The following TTN variants were observed in gnomAD, a reference collection of about 807,000 sequenced individuals.
The protein encoded by TTN is connectin.
Under a neutral mutation model 3,223.0 loss-of-function variants are expected in TTN, and 1,525 were observed. That is an observed-to-expected ratio of 0.47 (90% CI 0.45 to 0.49). The LOEUF is 0.49. TTN is among the 20% of genes least tolerant of loss of function. The probability of loss-of-function intolerance (pLI) is 0.00; values close to 1 mark genes in which losing one functional copy is unlikely to be tolerated. For synonymous variants in TTN, 14,094 were observed against 15,161.0 expected, an observed-to-expected ratio of 0.93 and a Z score of 5.17; for missense variants, 40,786 against 43,424.0, an observed-to-expected ratio of 0.94 and a Z score of 5.40.
At chr2:178,762,581 T>C (rs1172252202) in intron 43 of TTN, among the ~76,000 whole-genome samples, 1 of 152,232 alleles carries the variant, frequency 6.6e-6, no homozygotes, top group African/African-American at 2.4e-5. Context: ...TATATGTTTA[T>C]ATTAAAAAAT....
rs1343788854 is a variant in TTN at position 178,556,989 on chromosome 2, T to C, written c.88165A>G (p.Asn29389Asp). The change falls in exon 330 of 363, where the codon AAT becomes GAT. Residue 29389 changes from asparagine to aspartate, a missense_variant. Asn to Asp is a conservative substitution (Grantham distance 23). Coordinates refer to ENST00000589042, the MANE Select transcript of TTN (RefSeq NM_001267550.2). ...DGRWTKASFT[N>D]VTETQFIISG... ...ATGATGAATTGAGTTTCAGTAACAT[T>C]GGTGAAGCTGGCCTTGGTCCATCTG... 6.2e-7 allele frequency: 1 copy of C among 1,613,692 alleles called. No homozygotes were observed. Among genetic ancestry groups the C allele is most frequent in the African/African-American group, 1.3e-5 (1 of 74,908 alleles).
intron 164 of TTN, 117 bp downstream of exon 164, chr2:178,665,591 C>G: frequency 7.8e-7 from 1 of 1,287,992 alleles, no homozygotes; most frequent in Non-Finnish European, 1.1e-6. Flanking sequence ...GGTATACAAT[C>G]TTGAGGAGAG....
At chr2:178,746,041 G>T in intron 47 of TTN, 1 of 1,613,356 alleles carries the variant, frequency 6.2e-7, no homozygotes, top group Non-Finnish European at 8.5e-7. Flanking sequence ...TCACAGCTCT[G>T]CACCTGTATG....
Position 178,583,156 on chromosome 2 carries a change from A to C in TTN, c.65647T>G (p.Leu21883Val), listed in dbSNP as rs754416903. 2 of 1,612,512 alleles carry C rather than the reference A, an allele frequency of 1.2e-6. No individual in the cohort carries two copies. The highest frequency in any genetic ancestry group is 1.3e-5 in the African/African-American group (1 of 74,988). The change falls in exon 313 of 363, where the codon TTG becomes GTG. Residue 21883 changes from leucine (L) to valine (V), a missense_variant. Physicochemically the swap from Leu to Val is conservative, Grantham distance 32. Transcript: ENST00000589042. ...GGTTTACCAAAAACAGTAGCATCCA[A>C]GCAGACATTAGTTCCAGCTTTCACA... is the stretch of plus-strand genomic sequence containing the variant. ...LTVKAGTNVC[L>V]DATVFGKPMP...
Position 178,542,697 on chromosome 2 carries a change from C to A in TTN, c.97157G>T (p.Gly32386Val). 1 of 1,613,656 alleles carries A rather than the reference C, an allele frequency of 6.2e-7. No individual in the cohort carries two copies. Among genetic ancestry groups the A allele is most frequent in the African/African-American group, 1.3e-5 (1 of 75,018 alleles). The change falls in exon 348 of 363, where the codon GGA becomes GTA. Residue 32386 changes from glycine to valine, a missense_variant. Transcript: ENST00000589042. The part of the protein sequence containing the change: ...EYTLELKNVT[G>V]TTSETIKVII... ...AACTTTAATGGTTTCTGAAGTAGTT[C>A]CGGTAACATTCTTCAATTCAAGTGT...
intron 281 of TTN, 74 bp downstream of exon 281, chr2:178,604,634 G>A: frequency 7.0e-7 from 1 of 1,429,728 alleles, no homozygotes; most frequent in Non-Finnish European, 9.4e-7. Context: ...CAAATTCCAA[G>A]GTTATATTAA....
Position 178,650,983 on chromosome 2 carries a change from C to T in TTN, c.39626-149G>A, listed in dbSNP as rs550706408. 1.4e-5 allele frequency: 12 copies of T among 866,748 alleles called. No individual in the cohort carries two copies. The African/African-American group carries it at 1.9e-4, about 13-fold the overall frequency. The allele number at this position is 866,748 out of a possible 1,614,324, so 53.7% of individuals were successfully genotyped here. On this transcript the variant is annotated intron_variant, in intron 208 of 362. Coordinates refer to ENST00000589042, the MANE Select transcript of TTN (RefSeq NM_001267550.2). ...GGTCAGTGATCTGTCTTTGGACCCTCATATAGTGGGGAGGAAAATATGGCC... is the reference window on the plus strand; with the variant it reads ...GGTCAGTGATCTGTCTTTGGACCCTTATATAGTGGGGAGGAAAATATGGCC...
At chr2:178,691,150 T>C (rs1029390290) in intron 121 of TTN, among the ~76,000 whole-genome samples, 14 of 152,094 alleles carry the variant, frequency 9.2e-5, no homozygotes, top group African/African-American at 3.1e-4. Context: ...AGGAAGAAAA[T>C]AGAAACATTG....
At chr2:178,713,808 A>G (rs567042097) in intron 92 of TTN, 89 bp downstream of exon 92, 51 of 1,473,464 alleles carry the variant, frequency 3.5e-5, no homozygotes, top group East Asian at 7.2e-5. Flanking sequence ...ATGTTATCCT[A>G]TAGAAGATGT....
At chr2:178,609,179 C>T (rs748357328) in intron 273 of TTN, 29 bp downstream of exon 273, 1 of 1,466,018 alleles carries the variant, frequency 6.8e-7, no homozygotes, top group Non-Finnish European at 9.0e-7. Flanking sequence ...AACCTTTTTC[C>T]ATTGGAAAGT....
rs771198352 is a variant in TTN, at chr2:178,541,456, C to A, written c.97621G>T (p.Val32541Leu). Residue 32541 changes from valine to leucine, a missense_variant, in exon 350 of 363, where the codon GTG becomes TTG. By Grantham distance (32) the Val-to-Leu change is conservative (BLOSUM62 1). Transcript: ENST00000589042. ...VTGYIVERKE[V>L]RADRWVRVNK... ...ACACGGACCCATCGATCTGCTCTCA[C>A]TTCTTTGCGCTCCACAATATATCCA... 7 of 1,613,412 alleles carry A rather than the reference C, an allele frequency of 4.3e-6. No homozygotes were observed. The highest frequency in any genetic ancestry group is 5.9e-6 in the Non-Finnish European group (7 of 1,179,622).
chr2:178,674,897 TC>T (rs2067705217), intron 150 of TTN, 141 bp downstream of exon 150: 1 of 446,852 alleles, frequency 2.2e-6, no homozygotes, highest in Non-Finnish European at 3.9e-6. Context: ...CTGCCCAATT[TC>T]TATTAGGTTA....
intron 121 of TTN, among the ~76,000 whole-genome samples, chr2:178,691,410 T>G (rs2072393939): frequency 6.6e-6 from 1 of 152,194 alleles, no homozygotes; most frequent in Non-Finnish European, 1.5e-5. Flanking sequence ...TGAAAGGTAC[T>G]TTGACTAGCT....
In TTN at chr2:178,729,535, A is replaced by G. The variant is rs752324971; in HGVS notation, c.18621T>C (p.Pro6207=). 1.2e-6 allele frequency: 2 copies of G among 1,613,202 alleles called. No homozygotes were observed. The highest frequency in any genetic ancestry group is 1.7e-6 in the Non-Finnish European group (2 of 1,179,424). Residue 6207 remains proline, a synonymous_variant, in exon 64 of 363, where the codon CCT becomes CCC. Coordinates refer to ENST00000589042, the MANE Select transcript of TTN (RefSeq NM_001267550.2). ...CGTCACTATATTTTACTACCTCCAC[A>G]GGCTTCAGCTCTCTGATAAAGGTGG... ...EPPTFIRELK[P]VEVVKYSDVE... is the part of the protein sequence containing the mutation.
In TTN at chr2:178,529,163, G is replaced by A; in HGVS notation, c.106588C>T (p.Pro35530Ser). ...VSTQKTSEIT[P>S]QKKAVVQEEI... ...TCTTGGACAACAGCTTTCTTCTGAGGTGTAATTTCAGAAGTCTTTTGTGTA... is the reference window on the plus strand; with the variant it reads ...TCTTGGACAACAGCTTTCTTCTGAGATGTAATTTCAGAAGTCTTTTGTGTA... The change falls in exon 360 of 363, where the codon CCT (proline) becomes TCT (serine). Residue 35530 changes from proline (P) to serine (S), a missense_variant. By Grantham distance (74) the Pro-to-Ser change is moderately conservative. Transcript: ENST00000589042. 6.4e-7 allele frequency: 1 copy of A among 1,553,170 alleles called. No individual in the cohort carries two copies. Among genetic ancestry groups the A allele is most frequent in the Non-Finnish European group, 8.7e-7 (1 of 1,155,310 alleles).
intron 102 of TTN, among the ~76,000 whole-genome samples, 173 bp from the exon 103 acceptor site, chr2:178,705,530 G>T (rs1011946275): frequency 2.6e-5 from 4 of 152,052 alleles, no homozygotes; most frequent in Non-Finnish European, 5.9e-5. Context: ...GTTTGGAGAT[G>T]GAGTCGATTA....
rs1032273558 is a variant in TTN at position 178,728,773 on chromosome 2, C to T, written c.19153G>A (p.Ala6385Thr). 5 of 1,597,386 alleles carry T rather than the reference C, an allele frequency of 3.1e-6. No individual in the cohort carries two copies. Among genetic ancestry groups the T allele is most frequent in the Non-Finnish European group, 4.3e-6 (5 of 1,167,534 alleles). ...CYAFLLVQEP[A>T]QIVEKAKSVD... ...GATTTAGCTTTCTCTACGATTTGAG[C>T]TGGTTCTGTAGTAAAAATGAAAATG... The change falls in exon 66 of 363, where the codon GCT (alanine) becomes ACT (threonine). Residue 6385 changes from alanine (A) to threonine (T), a missense_variant. Ala to Thr is a moderately conservative substitution (Grantham distance 58). Transcript: ENST00000589042.
rs574849123 is a variant in TTN at position 178,675,476 on chromosome 2, A to G, written c.34537+195T>C. ...TTTATTTTTTAGAAACAACATACATAGAGAAACGATGTAAAGCACACCAAC... is the reference window on the plus strand; with the variant it reads ...TTTATTTTTTAGAAACAACATACATGGAGAAACGATGTAAAGCACACCAAC... On this transcript the variant is annotated intron_variant, in intron 149 of 362. Coordinates refer to ENST00000589042, the MANE Select transcript of TTN (RefSeq NM_001267550.2). Among the ~76,000 whole-genome samples the G allele has an allele frequency of 3.3e-5, 5 of 151,918 alleles. No homozygotes were observed. The South Asian group carries it at 1.0e-3, about 31-fold the overall frequency.
At chr2:178,665,070 G>C (rs556911610) in intron 165 of TTN, 144 bp from the exon 166 acceptor site, 1 of 1,015,246 alleles carries the variant, frequency 9.8e-7, no homozygotes, top group Non-Finnish European at 1.4e-6. Context: ...GTCTTTTAAG[G>C]GGTTAGTGGA....
Sources: allele counts gnomAD v4.1 joint callset (sites outside exome capture counted in the v4.1 genomes callset), GRCh38; gene constraint gnomAD v4.1.1; transcripts MANE v1.5; gene names NCBI Gene and HGNC (gene_info 2026-07-23, HGNC 2026-07-21).